ZNF577: variants seen among roughly 807,000 people sequenced by gnomAD.
The protein encoded by ZNF577 is zinc finger protein 577.
In ZNF577, 14 loss-of-function variants were observed where a neutral mutation model predicts 13.9. That is an observed-to-expected ratio of 1.00 (90% CI 0.66 to 1.57). The LOEUF (loss-of-function observed/expected upper bound fraction) is 1.57, where lower values mean the gene tolerates loss of function less well. ZNF577 is among the 40% of genes most tolerant of loss of function. The pLI is 0.00. For missense variants in ZNF577, 555 were observed against 579.2 expected (o/e 0.96, Z 0.43); for synonymous variants, 203 against 202.9 (o/e 1.00, Z 0.00).
rs9807853 is a variant in ZNF577 at position 51,872,919 on chromosome 19, T to A, written c.1071A>T (p.Arg357Ser). Residue 357 changes from arginine to serine, a missense_variant, in exon 6 of 6, where the codon AGA becomes AGT. Coordinates refer to ENST00000638348, the MANE Select transcript of ZNF577 (RefSeq NM_001370449.1). ...THTGERPYSC[R>S]ECGKAFAHMS... ...TGTGGGCAAAGGCTTTGCCACATTC[T>A]CTGCATGAATATGGTCTCTCTCCAG... 80,916 of 1,613,902 alleles carry A rather than the reference T, an allele frequency of 0.05. 7,246 individuals are homozygous for A. The highest frequency in any genetic ancestry group is 0.28 in the African/African-American group (20,793 of 74,944).
intron 1 of ZNF577, among the ~76,000 whole-genome samples, chr19:51,881,293 C>T (rs922065165): frequency 2.0e-5 from 3 of 152,094 alleles, no homozygotes; most frequent in African/African-American, 7.2e-5. Context: ...CCAGCCTGGA[C>T]ACATGGCAAG....
chr19:51,859,720 A>G (rs1483015381), intron 5 of ZNF577, among the ~76,000 whole-genome samples: 1 of 152,174 alleles, frequency 6.6e-6, no homozygotes, highest in Non-Finnish European at 1.5e-5. Flanking sequence ...TAGACTCCTT[A>G]ATAATGAGTC....
chr19:51,850,370 A>G (rs2086560762), intron 5 of ZNF577, among the ~76,000 whole-genome samples: 1 of 152,230 alleles, frequency 6.6e-6, no homozygotes, highest in South Asian at 2.1e-4. Context: ...CCCAAGTAAA[A>G]TATCTGGACA....
At chr19:51,858,366 T>C (rs1007616121) in intron 5 of ZNF577, among the ~76,000 whole-genome samples, 1 of 152,246 alleles carries the variant, frequency 6.6e-6, no homozygotes. Context: ...CATTCCATAC[T>C]ACTTAGGGTA....
At chr19:51,839,594 C>T (rs1424110606) in intron 9 of ZNF577, among the ~76,000 whole-genome samples, 3 of 152,154 alleles carry the variant, frequency 2.0e-5, no homozygotes, top group Non-Finnish European at 4.4e-5. Context: ...CTTAGTACAG[C>T]ACCCAAATCC....
At chr19:51,807,430 T>A (rs973176252) in intron 10 of ZNF577, among the ~76,000 whole-genome samples, 1 of 152,218 alleles carries the variant, frequency 6.6e-6, no homozygotes, top group African/African-American at 2.4e-5. Flanking sequence ...TTTGATCATA[T>A]AGCCTCCAGT....
In ZNF577 at chr19:51,872,672, CA is replaced by C; in HGVS notation, c.1317del (p.Ile439MetfsTer13). The C allele has an allele frequency of 6.2e-7, 1 of 1,614,212 alleles. No homozygotes were observed. Among genetic ancestry groups the C allele is most frequent in the East Asian group, 2.2e-5 (1 of 44,880 alleles). On this transcript the variant is annotated frameshift_variant, in exon 6 of 6. Coordinates refer to ENST00000638348, the MANE Select transcript of ZNF577 (RefSeq NM_001370449.1). LOFTEE classifies it low-confidence loss of function (END_TRUNC). ...TGATTTCTTGGAAAAGGTTGTTCCA[CA>C]ATCACTACATTTCTGCCCACTAGGC... Reference protein sequence around the residue: ...SERLVGRNVVIVEQPFPRNQA... With the variant: ...SERLVGRNVVXVEQPFPRNQA...
At chr19:51,882,079 T>C (rs57171871) in intron 1 of ZNF577, among the ~76,000 whole-genome samples, 16,895 of 152,120 alleles carry the variant, frequency 0.11, 1,008 homozygotes, top group East Asian at 0.22. Flanking sequence ...GCCCCAGCCC[T>C]TCAGTCTAGC....
chr19:51,839,241 T>C (rs1037034836), intron 9 of ZNF577, among the ~76,000 whole-genome samples: 1 of 152,068 alleles, frequency 6.6e-6, no homozygotes, highest in Non-Finnish European at 1.5e-5. Context: ...AGAAATAAAT[T>C]ATGTTAGCCA....
chr19:51,857,410 G>GAAAGAAAGAA (rs2084443195), intron 5 of ZNF577, among the ~76,000 whole-genome samples: 1 of 119,838 alleles, frequency 8.3e-6, no homozygotes, highest in African/African-American at 3.7e-5. Flanking sequence ...AAGAAAGAAA[G>GAAAGAAAGAA]AAAGAAAGAA....
At chr19:51,862,619 GAA>G (rs376892552), downstream of ZNF577, 600 of 152,498 alleles carry the variant, frequency 3.9e-3, 3 homozygotes, top group South Asian at 0.03. Context: ...GACTTCCAAG[GAA>G]AAGCTTTCCC....
rs2084966582 is a variant in ZNF577 at position 51,887,475 on chromosome 19, T to C, written c.-873A>G. 1 of 152,142 alleles carries C rather than the reference T, an allele frequency of 6.6e-6. No individual in the cohort carries two copies. The highest frequency in any genetic ancestry group is 1.5e-5 in the Non-Finnish European group (1 of 68,026). The allele number at this position is 152,142 out of a possible 1,614,324, so 9.4% of individuals were successfully genotyped here. Reference sequence around the variant, plus strand: ...GGGTCGCAATGAACCTGAAAACCCATTTTCTACAGAATATACAGCAGCAGG... The same window carrying C: ...GGGTCGCAATGAACCTGAAAACCCACTTTCTACAGAATATACAGCAGCAGG... On this transcript the variant is annotated 5_prime_UTR_variant, in exon 1 of 6. An upstream start codon of the reference 5' UTR is lost. Transcript: ENST00000638348.
rs2084589622 is a variant in ZNF577, at chr19:51,867,817, C to T, written c.*4715G>A. On this transcript the variant is annotated 3_prime_UTR_variant, in exon 6 of 6. Coordinates refer to ENST00000638348, the MANE Select transcript of ZNF577 (RefSeq NM_001370449.1). ...CAAAAAACAAAAACAAGCAAACAAA[C>T]AAAAAGAACAAAGCTAGGGTTGGAA... is the stretch of plus-strand genomic sequence containing the variant. Among the ~76,000 whole-genome samples the T allele has an allele frequency of 1.3e-5, 2 of 151,864 alleles. No individual in the cohort carries two copies. The highest frequency in any genetic ancestry group is 4.8e-5 in the African/African-American group (2 of 41,328).
At chr19:51,849,295 C>T (rs2084368829) in intron 5 of ZNF577, among the ~76,000 whole-genome samples, 1 of 152,162 alleles carries the variant, frequency 6.6e-6, no homozygotes, top group Non-Finnish European at 1.5e-5. Flanking sequence ...AACCTGTCTG[C>T]AGGATGAAGA....
At chr19:51,805,265 A>G (rs1358812143) in intron 10 of ZNF577, 1 of 152,222 alleles carries the variant, frequency 6.6e-6, no homozygotes, top group African/African-American at 2.4e-5. Flanking sequence ...CTATAAACAG[A>G]AGACAGAGAC....
rs2084645317 is a variant in ZNF577 at position 51,870,701 on chromosome 19, T to C, written c.*1831A>G. On this transcript the variant is annotated 3_prime_UTR_variant, in exon 6 of 6. Transcript: ENST00000638348. ...ACTCTCAATTCTTGAGTGCAGCTCT[T>C]CTCCAATAATCCAATTCATGAATTT... 6.6e-6 allele frequency among the ~76,000 whole-genome samples: 1 copy of C among 152,196 alleles called. No homozygotes were observed. The highest frequency in any genetic ancestry group is 1.5e-5 in the Non-Finnish European group (1 of 68,042).
In ZNF577 at chr19:51,847,851, G is replaced by A. The variant is rs201496746; in HGVS notation, c.284-2920C>T. Among the ~76,000 whole-genome samples the A allele has an allele frequency of 1.4e-4, 22 of 152,260 alleles. No individual in the cohort carries two copies. In the East Asian group the frequency reaches 4.1e-3, roughly 28 times the overall value. On this transcript the variant is annotated intron_variant and NMD_transcript_variant, in intron 5 of 10. Coordinates refer to the ZNF577 transcript ENST00000638827. ...TCCCTGGAAGGCAAAGCTTCCATAC[G>A]TCATTTCCTCTTCTGCTCACTGGGC...
At chr19:51,832,129 GT>G (rs923588251) in intron 9 of ZNF577, among the ~76,000 whole-genome samples, 14 of 152,020 alleles carry the variant, frequency 9.2e-5, no homozygotes, top group Non-Finnish European at 1.8e-4. Flanking sequence ...TGACGCCTCT[GT>G]TTTTCTTCAT....
At position 51,835,972 on chromosome 19, in the gene ZNF577, C is replaced by T. The variant is rs186687206; in HGVS notation, c.*599+3921G>A. ...CCTCCCAAAGTGCTGGGATTACAGGCGTGAGCCACCGCACCCGACCTTGAA... is the reference window on the plus strand; with the variant it reads ...CCTCCCAAAGTGCTGGGATTACAGGTGTGAGCCACCGCACCCGACCTTGAA... On this transcript the variant is annotated intron_variant and NMD_transcript_variant, in intron 9 of 10. Transcript: ENST00000638827. Among the ~76,000 whole-genome samples, 8 of 152,310 alleles carry T rather than the reference C, an allele frequency of 5.3e-5. No homozygotes were observed. The East Asian group carries it at 1.3e-3, about 26-fold the overall frequency.
Sources: allele counts gnomAD v4.1 joint callset (sites outside exome capture counted in the v4.1 genomes callset), GRCh38; gene constraint gnomAD v4.1.1; transcripts MANE v1.5; gene names NCBI Gene and HGNC (gene_info 2026-07-23, HGNC 2026-07-21).